The following NTRK3 variants were observed in gnomAD, a reference collection of about 807,000 sequenced individuals.
NTRK3 encodes NT-3 growth factor receptor.
NTRK3 carries 24 observed loss-of-function variants against 91.7 expected under a neutral mutation model. That is an observed-to-expected ratio of 0.26 (90% CI 0.19 to 0.37). The LOEUF (loss-of-function observed/expected upper bound fraction) is 0.37. NTRK3 is among the 10% of genes least tolerant of loss of function. NTRK3 has a pLI of 1.00. For missense variants in NTRK3, 880 were observed against 1,068.9 expected (o/e 0.82, Z 2.46); for synonymous variants, 483 against 404.0 (o/e 1.20, Z -2.34).
chr15:87,979,480 G>GA lies in NTRK3; in HGVS notation c.1586-38728dup, dbSNP rs529794319. ...CTCTGAAACCTATAAAAAACAAAAA[G>GA]AAAAAAAAACAGAAAAAAGCAAAAT... is the stretch of plus-strand genomic sequence containing the variant. On this transcript the variant is annotated intron_variant, in intron 14 of 18. Coordinates refer to ENST00000394480, the Ensembl canonical transcript of NTRK3. 8,105 of 1,450,918 alleles carry GA rather than the reference G, an allele frequency of 5.6e-3. 3 individuals are homozygous for GA. The highest frequency in any genetic ancestry group is 6.6e-3 in the Non-Finnish European group (6,924 of 1,055,748). 89.9% of individuals were successfully genotyped at this position (1,450,918 alleles called of 1,614,324 possible).
intron 3 of NTRK3, among the ~76,000 whole-genome samples, chr15:88,222,295 C>G (rs1282814227): frequency 6.6e-6 from 1 of 152,178 alleles, no homozygotes; most frequent in Non-Finnish European, 1.5e-5. Flanking sequence ...CACAACAAGG[C>G]TATGCAGCAG....
chr15:88,253,955 C>G (rs1408613432), intron 3 of NTRK3, among the ~76,000 whole-genome samples: 1 of 152,208 alleles, frequency 6.6e-6, no homozygotes, highest in Non-Finnish European at 1.5e-5. Context: ...AGGAGCAACA[C>G]CTCTGTGTGG....
chr15:87,924,574 G>A (rs934082673), intron 17 of NTRK3, among the ~76,000 whole-genome samples: 5 of 152,112 alleles, frequency 3.3e-5, no homozygotes, highest in Non-Finnish European at 4.4e-5. Flanking sequence ...ACTATCACTC[G>A]TTTGCCTCTT....
At chr15:87,907,419 C>A (rs1382384799) in intron 17 of NTRK3, among the ~76,000 whole-genome samples, 4 of 152,074 alleles carry the variant, frequency 2.6e-5, no homozygotes, top group Non-Finnish European at 5.9e-5. Context: ...CCTGAGAGAA[C>A]CTGGGAGGTT....
chr15:87,968,957 T>A (rs1340610377), intron 14 of NTRK3, among the ~76,000 whole-genome samples: 2 of 152,138 alleles, frequency 1.3e-5, no homozygotes, highest in Non-Finnish European at 2.9e-5. Flanking sequence ...AATCCTTCAA[T>A]CAGTTTTTAT....
chr15:87,910,812 G>T (rs2067048342), intron 17 of NTRK3, among the ~76,000 whole-genome samples: 1 of 152,172 alleles, frequency 6.6e-6, no homozygotes, highest in East Asian at 1.9e-4. Flanking sequence ...GTTGCAGGGG[G>T]TGCAGGGGAA....
intron 6 of NTRK3, among the ~76,000 whole-genome samples, chr15:88,141,608 A>T (rs1224043806): frequency 1.3e-5 from 2 of 152,244 alleles, no homozygotes; most frequent in South Asian, 2.1e-4. Flanking sequence ...AATACAAATT[A>T]TCCACCTGGG....
At chr15:87,956,000 A>G (rs537650610) in intron 14 of NTRK3, among the ~76,000 whole-genome samples, 3 of 152,160 alleles carry the variant, frequency 2.0e-5, no homozygotes, top group African/African-American at 7.2e-5. Context: ...ATTTGAATAC[A>G]TTGTAATAAG....
chr15:87,900,409 G>C (rs1029628949), intron 17 of NTRK3, among the ~76,000 whole-genome samples: 2 of 152,176 alleles, frequency 1.3e-5, no homozygotes, highest in African/African-American at 4.8e-5. Context: ...GAACCTTAGT[G>C]AAAAGAGCAC....
intron 17 of NTRK3, among the ~76,000 whole-genome samples, chr15:87,902,268 C>T (rs1033407297): frequency 1.3e-5 from 2 of 152,210 alleles, no homozygotes; most frequent in Admixed American, 6.5e-5. Flanking sequence ...TGTCCCGTCC[C>T]ACTCTTGTAG....
chr15:88,204,309 C>G (rs2048550986), intron 3 of NTRK3, among the ~76,000 whole-genome samples: 1 of 152,146 alleles, frequency 6.6e-6, no homozygotes, highest in African/African-American at 2.4e-5. Flanking sequence ...ATACTCTCTC[C>G]CCTATTACCT....
In NTRK3 at chr15:88,243,277, T is replaced by G. The variant is rs1437117063; in HGVS notation, c.248+12629A>C. ...GTTCAAATGACTGCCACTTAAGAGGTGGCAGGGAGTCAGAAACACAATCTG... is the reference window on the plus strand; with the variant it reads ...GTTCAAATGACTGCCACTTAAGAGGGGGCAGGGAGTCAGAAACACAATCTG... On this transcript the variant is annotated intron_variant, in intron 3 of 18. Transcript: ENST00000394480. The surrounding 1 kb of genome is among the most constrained non-coding windows in gnomAD (Gnocchi z 4.8). Among the ~76,000 whole-genome samples, 1 of 152,064 alleles carries G rather than the reference T, an allele frequency of 6.6e-6. No homozygotes were observed. The highest frequency in any genetic ancestry group is 1.5e-5 in the Non-Finnish European group (1 of 68,020).
At chr15:88,072,004 CTTTT>C (rs374364707) in intron 13 of NTRK3, among the ~76,000 whole-genome samples, 5 of 132,638 alleles carry the variant, frequency 3.8e-5, no homozygotes, top group Non-Finnish European at 4.9e-5. Context: ...AATCAAACAT[CTTTT>C]TTTTTTTTTT....
chr15:88,170,283 T>C (rs1305276809), intron 5 of NTRK3, among the ~76,000 whole-genome samples: 1 of 152,214 alleles, frequency 6.6e-6, no homozygotes, highest in Non-Finnish European at 1.5e-5. Context: ...ATAATTTGCA[T>C]CAGCAACATT....
intron 17 of NTRK3, among the ~76,000 whole-genome samples, chr15:87,882,606 T>C (rs1246232057): frequency 6.6e-6 from 1 of 152,110 alleles, no homozygotes; most frequent in African/African-American, 2.4e-5. Context: ...TTCCAATAAT[T>C]TCAACCATAA....
intron 14 of NTRK3, among the ~76,000 whole-genome samples, chr15:87,947,346 C>T (rs1011883454): frequency 9.9e-5 from 13 of 131,456 alleles, no homozygotes; most frequent in Non-Finnish European, 1.9e-4. Flanking sequence ...ATCCTTTAAT[C>T]ATGACAGCCC....
At chr15:87,896,704 TG>T (rs2066145802) in intron 17 of NTRK3, among the ~76,000 whole-genome samples, 1 of 152,094 alleles carries the variant, frequency 6.6e-6, no homozygotes, top group Non-Finnish European at 1.5e-5. Context: ...AATACATGAG[TG>T]TGCACTCACA....
At chr15:88,221,142 A>C (rs909663641) in intron 3 of NTRK3, among the ~76,000 whole-genome samples, 1 of 152,218 alleles carries the variant, frequency 6.6e-6, no homozygotes, top group Non-Finnish European at 1.5e-5. Flanking sequence ...CCTGGTTATA[A>C]AGTAATACAG....
intron 14 of NTRK3, among the ~76,000 whole-genome samples, chr15:87,973,396 C>T (rs1442611242): frequency 6.6e-6 from 1 of 152,164 alleles, no homozygotes. Flanking sequence ...AAAAAGCAGA[C>T]AAGGGACTTA....
Sources: gnomAD v4.1 joint callset for allele counts (sites outside exome capture counted in the v4.1 genomes callset) on GRCh38, gnomAD v4.1.1 for gene constraint, Gnocchi (gnomAD v3.1) non-coding constraint, MANE v1.5 for transcripts, NCBI Gene and HGNC (gene_info 2026-07-23, HGNC 2026-07-21) for gene names.